Variants in NLGN1 observed in about 807,000 individuals in gnomAD.
The protein encoded by NLGN1 is neuroligin-1.
In NLGN1, 12 loss-of-function variants were observed where a neutral mutation model predicts 65.5. The observed-to-expected ratio is 0.18, with a 90% CI of 0.12 to 0.30. The LOEUF is 0.30. Ranked by LOEUF, NLGN1 falls within the 10% of genes least tolerant of loss-of-function variation. The pLI is 1.00. For missense variants in NLGN1, 750 were observed against 1,007.1 expected (o/e 0.74, Z 3.46); for synonymous variants, 350 against 359.5 (o/e 0.97, Z 0.30).
Position 173,549,533 on chromosome 3 carries a change from A to G in NLGN1, c.-320-54746A>G, listed in dbSNP as rs568676265. On this transcript the variant is annotated intron_variant, in intron 2 of 6. Transcript: ENST00000457714. ...TGCAGATTTTTCCATTTATTGGTCC[A>G]TATTCCTGTGTTAATAAAAAAAGGT... 2.6e-5 allele frequency among the ~76,000 whole-genome samples: 4 copies of G among 152,114 alleles called. No homozygotes were observed. In the South Asian group the frequency reaches 6.2e-4, roughly 24 times the overall value.
chr3:174,017,677 G>GC (rs1396887227), intron 4 of NLGN1, among the ~76,000 whole-genome samples: 1 of 152,042 alleles, frequency 6.6e-6, no homozygotes, highest in Non-Finnish European at 1.5e-5. Flanking sequence ...GTTCCGTGAT[G>GC]CCCCCGTCAA....
intron 2 of NLGN1, among the ~76,000 whole-genome samples, chr3:173,532,479 G>A (rs909580633): frequency 6.6e-6 from 1 of 152,076 alleles, no homozygotes; most frequent in Admixed American, 6.6e-5. Context: ...TCGTCTTAAA[G>A]CAAACCAGAA....
intron 4 of NLGN1, among the ~76,000 whole-genome samples, chr3:174,175,760 A>C (rs1729330247): frequency 6.6e-6 from 1 of 151,810 alleles, no homozygotes; most frequent in Admixed American, 6.6e-5. Flanking sequence ...TTAGACTCAG[A>C]GGAGATTAAA....
chr3:173,948,933 AC>A (rs1316188360), intron 4 of NLGN1, among the ~76,000 whole-genome samples: 2 of 152,114 alleles, frequency 1.3e-5, no homozygotes, highest in Non-Finnish European at 2.9e-5. Flanking sequence ...AATTATTTTA[AC>A]ATGCAGAAGA....
chr3:173,849,207 AT>A (rs893216941), intron 4 of NLGN1, among the ~76,000 whole-genome samples: 12 of 152,026 alleles, frequency 7.9e-5, no homozygotes, highest in Non-Finnish European at 1.6e-4. Context: ...TAATGACGGT[AT>A]TTTTTTTCTT....
At chr3:173,518,036 G>T (rs1384883389) in intron 2 of NLGN1, among the ~76,000 whole-genome samples, 2 of 152,108 alleles carry the variant, frequency 1.3e-5, no homozygotes, top group African/African-American at 4.8e-5. Context: ...AGATCAAAGG[G>T]TGTATCTGTT....
chr3:173,449,717 A>C (rs968536724), intron 2 of NLGN1, among the ~76,000 whole-genome samples: 23 of 152,142 alleles, frequency 1.5e-4, no homozygotes, highest in Admixed American at 1.2e-3. Context: ...GCAGGTCACT[A>C]AGGACTTGCT....
chr3:174,082,004 A>C (rs1019828970), intron 4 of NLGN1, among the ~76,000 whole-genome samples: 1 of 152,196 alleles, frequency 6.6e-6, no homozygotes, highest in Non-Finnish European at 1.5e-5. Flanking sequence ...GATGATTCCA[A>C]TGTGAGCCAT....
intron 3 of NLGN1, among the ~76,000 whole-genome samples, chr3:173,753,284 A>G (rs1018179687): frequency 1.3e-5 from 2 of 151,960 alleles, no homozygotes; most frequent in Non-Finnish European, 2.9e-5. Context: ...CTATTCTCCA[A>G]CTCTACTTGG....
In NLGN1 at chr3:173,518,250, A is replaced by AT. The variant is rs939286476; in HGVS notation, c.-321+83179dup. Among the ~76,000 whole-genome samples the AT allele has an allele frequency of 4.0e-5, 6 of 150,546 alleles. No individual in the cohort carries two copies. In the South Asian group the frequency reaches 8.3e-4, roughly 21 times the overall value. On this transcript the variant is annotated intron_variant, in intron 2 of 6. Coordinates refer to ENST00000457714, the Ensembl canonical transcript of NLGN1. Reference sequence around the variant, plus strand: ...ATTTGTGCTAATATAAGAAAGATACATTTTTTTCCTAAGATTAAAAGCCAT... The same window carrying AT: ...ATTTGTGCTAATATAAGAAAGATACATTTTTTTTCCTAAGATTAAAAGCCAT...
chr3:174,061,597 T>G (rs1737431815), intron 4 of NLGN1, among the ~76,000 whole-genome samples: 1 of 152,166 alleles, frequency 6.6e-6, no homozygotes, highest in Admixed American at 6.6e-5. Flanking sequence ...AAGGACTGTT[T>G]TTTAACTTTA....
chr3:174,026,332 C>T (rs116372460), intron 4 of NLGN1, among the ~76,000 whole-genome samples: 185 of 152,012 alleles, frequency 1.2e-3, no homozygotes, highest in African/African-American at 4.3e-3. Context: ...CACTTTGTTG[C>T]CCATGCTAAT....
At chr3:173,680,454 G>T (rs1175147786) in intron 3 of NLGN1, among the ~76,000 whole-genome samples, 1 of 152,134 alleles carries the variant, frequency 6.6e-6, no homozygotes, top group African/African-American at 2.4e-5. Flanking sequence ...AAGACTGGAA[G>T]ATAAAAATGC....
intron 2 of NLGN1, among the ~76,000 whole-genome samples, chr3:173,538,977 C>G (rs1737944293): frequency 1.3e-5 from 2 of 151,610 alleles, no homozygotes; most frequent in Non-Finnish European, 1.5e-5. Flanking sequence ...CCCTAACCAT[C>G]TGGACAAACC....
intron 4 of NLGN1, among the ~76,000 whole-genome samples, chr3:174,124,576 C>T (rs1414364813): frequency 2.5e-5 from 2 of 79,552 alleles, no homozygotes; most frequent in Non-Finnish European, 4.4e-5. Flanking sequence ...TACGTATACA[C>T]ATATATACGT....
rs1193754078 is a variant in NLGN1 at position 173,448,372 on chromosome 3, T to G, written c.-321+13294T>G. Among the ~76,000 whole-genome samples, 4 of 152,242 alleles carry G rather than the reference T, an allele frequency of 2.6e-5. No homozygotes were observed. The East Asian group carries it at 7.7e-4, about 29-fold the overall frequency. On this transcript the variant is annotated intron_variant, in intron 2 of 6. Coordinates refer to ENST00000457714, the Ensembl canonical transcript of NLGN1. ...TATATGCTGGATTACGTTTATTGAT[T>G]TTCATATGTTGAACCAGCCTTGCAT...
At chr3:173,462,384 T>C (rs1365139747) in intron 2 of NLGN1, among the ~76,000 whole-genome samples, 1 of 151,872 alleles carries the variant, frequency 6.6e-6, no homozygotes, top group Non-Finnish European at 1.5e-5. Context: ...ACTCTTTTCT[T>C]CACAAAATTT....
intron 4 of NLGN1, among the ~76,000 whole-genome samples, chr3:174,113,341 T>C (rs972229204): frequency 1.3e-5 from 2 of 151,970 alleles, no homozygotes; most frequent in African/African-American, 4.8e-5. Flanking sequence ...GAGCTCTAAA[T>C]GTTTCTAAGG....
chr3:174,152,795 C>A (rs1373314676), intron 4 of NLGN1, among the ~76,000 whole-genome samples: 2 of 152,032 alleles, frequency 1.3e-5, no homozygotes, highest in South Asian at 2.1e-4. Context: ...TTTATTTAAT[C>A]TCCAACTAAG....
Sources: gnomAD v4.1 joint callset for allele counts (sites outside exome capture counted in the v4.1 genomes callset) on GRCh38, gnomAD v4.1.1 for gene constraint, MANE v1.5 for transcripts, NCBI Gene and HGNC (gene_info 2026-07-23, HGNC 2026-07-21) for gene names.